CRB1: variants seen among roughly 807,000 people sequenced by gnomAD.
The protein encoded by CRB1 is protein crumbs homolog 1.
CRB1 carries 83 observed loss-of-function variants against 120.0 expected under a neutral mutation model. The ratio of observed to expected loss-of-function variants is 0.69; its 90% CI spans 0.58 to 0.83. The LOEUF (loss-of-function observed/expected upper bound fraction) is 0.83, where lower values mean the gene tolerates loss of function less well. Ranked by LOEUF, CRB1 falls within the 40% of genes least tolerant of loss-of-function variation. The pLI is 0.00. For synonymous variants in CRB1, 625 were observed against 612.5 expected, an observed-to-expected ratio of 1.02 and a Z score of -0.30; for missense variants, 1,699 against 1,687.6, an observed-to-expected ratio of 1.01 and a Z score of -0.12.
At chr1:197,282,626 A>T (rs971183553) in intron 1 of CRB1, among the ~76,000 whole-genome samples, 1 of 151,932 alleles carries the variant, frequency 6.6e-6, no homozygotes, top group African/African-American at 2.4e-5. Flanking sequence ...AAATTAAAGC[A>T]ATTTAAATAT....
At chr1:197,261,460 G>A in the CRB1 span, among the ~76,000 whole-genome samples, 4 of 152,116 alleles carry the variant, frequency 2.6e-5, no homozygotes, top group Non-Finnish European at 5.9e-5. Context: ...TTCAAGACAC[G>A]CTGTTGAGTG....
At chr1:197,365,578 TTTCTCC>T (rs1378814616) in intron 5 of CRB1, among the ~76,000 whole-genome samples, 1 of 151,570 alleles carries the variant, frequency 6.6e-6, no homozygotes, top group Non-Finnish European at 1.5e-5. Flanking sequence ...CTTTTCTTTT[TTTCTCC>T]TTCTCCTTCT....
chr1:197,396,850 A>C (rs1662797926), intron 5 of CRB1, among the ~76,000 whole-genome samples: 1 of 152,188 alleles, frequency 6.6e-6, no homozygotes, highest in South Asian at 2.1e-4. Flanking sequence ...TAAAACTTCG[A>C]AGAGAACACA....
At chr1:197,220,509 C>T in the CRB1 span, among the ~76,000 whole-genome samples, 1 of 152,166 alleles carries the variant, frequency 6.6e-6, no homozygotes, top group Non-Finnish European at 1.5e-5. Flanking sequence ...GGGAGGGTGT[C>T]AGACCATGGG....
the CRB1 span, among the ~76,000 whole-genome samples, chr1:197,226,904 C>A: frequency 6.6e-5 from 10 of 152,256 alleles, no homozygotes; most frequent in East Asian, 1.9e-3. Flanking sequence ...CCTGATAAAA[C>A]CATTGGATCT....
In CRB1 at chr1:197,392,769, A is replaced by G. The variant is rs192835774; in HGVS notation, c.1172-28231A>G. Among the ~76,000 whole-genome samples the G allele has an allele frequency of 1.1e-4, 16 of 152,254 alleles. No homozygotes were observed. The East Asian group carries it at 3.1e-3, about 29-fold the overall frequency. On this transcript the variant is annotated intron_variant, in intron 5 of 11. Coordinates refer to ENST00000367400, the MANE Select transcript of CRB1 (RefSeq NM_201253.3). ...ACTATGAATCAAACATAAAATATGC[A>G]AAGTTCACCAGATCTTCAGTGGACT...
At chr1:197,354,049 T>C (rs971315221) in intron 4 of CRB1, among the ~76,000 whole-genome samples, 3 of 148,664 alleles carry the variant, frequency 2.0e-5, no homozygotes, top group African/African-American at 7.4e-5. Context: ...CCCCAAAATG[T>C]TCAGCTCAAT....
At chr1:197,205,948 C>CT in the CRB1 span, among the ~76,000 whole-genome samples, 3 of 151,388 alleles carry the variant, frequency 2.0e-5, no homozygotes, top group Non-Finnish European at 4.4e-5. Flanking sequence ...TTATTGGTCC[C>CT]TTCAGAGTTT....
At chr1:197,474,902 C>G (rs377666215) in intron 11 of CRB1, among the ~76,000 whole-genome samples, 3 of 152,176 alleles carry the variant, frequency 2.0e-5, no homozygotes, top group African/African-American at 4.8e-5. Context: ...TTCATCTGCT[C>G]TTCTGTGTCC....
At chr1:197,465,651 C>A (rs899078290) in intron 11 of CRB1, among the ~76,000 whole-genome samples, 1 of 152,134 alleles carries the variant, frequency 6.6e-6, no homozygotes, top group Non-Finnish European at 1.5e-5. Flanking sequence ...TTTAGACATA[C>A]CAAGTCTCAA....
At chr1:197,243,318 G>T in the CRB1 span, among the ~76,000 whole-genome samples, 1 of 152,100 alleles carries the variant, frequency 6.6e-6, no homozygotes. Context: ...GGCATTTAAT[G>T]CTATAAATTT....
intron 1 of CRB1, among the ~76,000 whole-genome samples, chr1:197,298,699 T>C (rs556736065): frequency 3.3e-5 from 5 of 152,166 alleles, no homozygotes; most frequent in African/African-American, 7.2e-5. Flanking sequence ...GGGGTAAATA[T>C]ATAAAACAAA....
chr1:197,413,206 T>C (rs1017472065), intron 5 of CRB1, among the ~76,000 whole-genome samples: 4 of 152,168 alleles, frequency 2.6e-5, no homozygotes, highest in African/African-American at 9.7e-5. Flanking sequence ...AAAGAATCAC[T>C]TTTTTTGTTT....
intron 1 of CRB1, among the ~76,000 whole-genome samples, chr1:197,318,564 G>A (rs1657989699): frequency 6.6e-6 from 1 of 152,114 alleles, no homozygotes; most frequent in Non-Finnish European, 1.5e-5. Flanking sequence ...GTTTATTGTA[G>A]TACCATTCAC....
chr1:197,228,277 A>C, the CRB1 span, among the ~76,000 whole-genome samples: 1 of 152,154 alleles, frequency 6.6e-6, no homozygotes, highest in Non-Finnish European at 1.5e-5. Context: ...TCAGGCTGCA[A>C]ATTTTCTGAA....
chr1:197,477,097 C>G lies in CRB1; in HGVS notation c.4006-567C>G, dbSNP rs1032478815. The stretch of plus-strand genomic sequence containing the variant: ...AAGCACATGTGCCTTTACAACCATT[C>G]AATTGCCATGTTGAATCCGAATCAG... On this transcript the variant is annotated intron_variant, in intron 11 of 11. Coordinates refer to ENST00000367400, the MANE Select transcript of CRB1 (RefSeq NM_201253.3). Among the ~76,000 whole-genome samples the G allele has an allele frequency of 2.6e-5, 4 of 152,340 alleles. No homozygotes were observed. The South Asian group carries it at 8.3e-4, about 32-fold the overall frequency.
chr1:197,359,040 C>CT (rs1660636030), intron 5 of CRB1, among the ~76,000 whole-genome samples: 1 of 152,104 alleles, frequency 6.6e-6, no homozygotes, highest in Non-Finnish European at 1.5e-5. Flanking sequence ...TTTTAAATAA[C>CT]TTTTTAAATG....
chr1:197,228,067 C>T, the CRB1 span, among the ~76,000 whole-genome samples: 10 of 152,112 alleles, frequency 6.6e-5, no homozygotes, highest in South Asian at 2.1e-4. Flanking sequence ...GTCCTGGGGC[C>T]GGGCCCATGA....
At chr1:197,260,382 C>A in the CRB1 span, among the ~76,000 whole-genome samples, 1 of 151,814 alleles carries the variant, frequency 6.6e-6, no homozygotes, top group South Asian at 2.1e-4. Context: ...TAAGTTAGAT[C>A]ATTCATAAAA....
Sources: gnomAD v4.1 joint callset for allele counts (sites outside exome capture counted in the v4.1 genomes callset) on GRCh38, gnomAD v4.1.1 for gene constraint, MANE v1.5 for transcripts, NCBI Gene and HGNC (gene_info 2026-07-23, HGNC 2026-07-21) for gene names.